Variants in EXOC4 observed in about 807,000 individuals in gnomAD.
The protein encoded by EXOC4 is exocyst complex component 4, also known as SEC8-like 1.
A neutral mutation model predicts 107.2 loss-of-function variants in EXOC4; 71 were observed. The ratio of observed to expected loss-of-function variants is 0.66; its 90% CI spans 0.55 to 0.81. The LOEUF (loss-of-function observed/expected upper bound fraction) is 0.81. Ranked by LOEUF, EXOC4 falls within the 30% of genes least tolerant of loss-of-function variation. The pLI, the probability that EXOC4 is intolerant of heterozygous loss-of-function variation, is 0.00. For synonymous variants in EXOC4, 456 were observed against 441.2 expected, an observed-to-expected ratio of 1.03 and a Z score of -0.42; for missense variants, 1,108 against 1,189.6, an observed-to-expected ratio of 0.93 and a Z score of 1.01.
At chr7:133,490,992 C>G (rs778125856) in intron 9 of EXOC4, among the ~76,000 whole-genome samples, 1 of 152,128 alleles carries the variant, frequency 6.6e-6, no homozygotes, top group Non-Finnish European at 1.5e-5. Flanking sequence ...TTCTAAAGTA[C>G]CTTGCGTTAA....
intron 7 of EXOC4, among the ~76,000 whole-genome samples, chr7:133,415,269 T>A (rs1021771812): frequency 1.1e-4 from 16 of 152,216 alleles, no homozygotes; most frequent in Non-Finnish European, 1.9e-4. Flanking sequence ...AGACATGTGT[T>A]TTCATTTCTC....
chr7:133,259,520 C>G (rs1298624604), intron 1 of EXOC4, among the ~76,000 whole-genome samples: 1 of 151,954 alleles, frequency 6.6e-6, no homozygotes, highest in African/African-American at 2.4e-5. Flanking sequence ...AGCCACCGTC[C>G]CCGGCCCACT....
intron 14 of EXOC4, among the ~76,000 whole-genome samples, chr7:133,974,626 G>A (rs575342404): frequency 1.3e-5 from 2 of 152,300 alleles, no homozygotes; most frequent in East Asian, 3.9e-4. Context: ...TTCGTGCCCT[G>A]TATTTGTCCC....
At chr7:133,408,963 C>T (rs1368483362) in intron 7 of EXOC4, among the ~76,000 whole-genome samples, 1 of 152,076 alleles carries the variant, frequency 6.6e-6, no homozygotes, top group Admixed American at 6.6e-5. Context: ...CATAGGTAGC[C>T]TGTGTTAGGA....
chr7:134,019,772 T>G (rs2116415999), intron 17 of EXOC4, among the ~76,000 whole-genome samples: 1 of 152,342 alleles, frequency 6.6e-6, no homozygotes, highest in South Asian at 2.1e-4. Flanking sequence ...TATGATTTTA[T>G]TTTTCAGTTA....
intron 5 of EXOC4, among the ~76,000 whole-genome samples, chr7:133,339,452 G>A (rs536886167): frequency 6.6e-5 from 10 of 152,278 alleles, no homozygotes; most frequent in African/African-American, 2.4e-4. Context: ...AATGCCTCCA[G>A]ATTTGTTCTT....
At chr7:134,078,789 G>C in the EXOC4 span, among the ~76,000 whole-genome samples, 1 of 152,196 alleles carries the variant, frequency 6.6e-6, no homozygotes, top group South Asian at 2.1e-4. Context: ...CAGTTAAAGA[G>C]CAATTCACTC....
At chr7:133,772,526 TAAA>T (rs59601566) in intron 10 of EXOC4, among the ~76,000 whole-genome samples, 132,854 of 150,184 alleles carry the variant, frequency 0.88, 58,881 homozygotes, top group East Asian at 0.97. Context: ...ACTTAAAGTA[TAAA>T]AAAAAAAAAA....
At chr7:133,931,329 T>C (rs978514181) in intron 13 of EXOC4, among the ~76,000 whole-genome samples, 1 of 152,206 alleles carries the variant, frequency 6.6e-6, no homozygotes, top group Admixed American at 6.5e-5. Flanking sequence ...TGTATGTCTG[T>C]ATTCATGTGC....
chr7:133,518,228 C>T (rs1228423097), intron 9 of EXOC4, among the ~76,000 whole-genome samples: 1 of 151,788 alleles, frequency 6.6e-6, no homozygotes, highest in Non-Finnish European at 1.5e-5. Flanking sequence ...ATGGGAGGTC[C>T]TGCAAAGTCA....
At chr7:133,430,238 C>T (rs1345577981) in intron 7 of EXOC4, among the ~76,000 whole-genome samples, 1 of 152,226 alleles carries the variant, frequency 6.6e-6, no homozygotes, top group Non-Finnish European at 1.5e-5. Context: ...GTTGCTTCTT[C>T]TCTTTTCTCC....
At chr7:133,614,320 C>G (rs1802139424) in intron 9 of EXOC4, among the ~76,000 whole-genome samples, 1 of 152,006 alleles carries the variant, frequency 6.6e-6, no homozygotes, top group Admixed American at 6.5e-5. Flanking sequence ...AGTTGCCAGT[C>G]TTTTGTTTGT....
intron 14 of EXOC4, among the ~76,000 whole-genome samples, chr7:133,958,268 C>CTT (rs5887652): frequency 7.3e-5 from 11 of 150,162 alleles, no homozygotes; most frequent in South Asian, 2.1e-4. Flanking sequence ...ATTTCTTTTC[C>CTT]TTTTTTTTTC....
intron 5 of EXOC4, among the ~76,000 whole-genome samples, chr7:133,346,283 A>G (rs1473761542): frequency 6.6e-6 from 1 of 152,046 alleles, no homozygotes; most frequent in African/African-American, 2.4e-5. Context: ...TGTGGAGCGC[A>G]TTAAGTCTTT....
intron 9 of EXOC4, among the ~76,000 whole-genome samples, chr7:133,608,374 C>T (rs1801997211): frequency 6.6e-6 from 1 of 151,752 alleles, no homozygotes. Context: ...TTATGATCAT[C>T]AACTACTGAA....
At chr7:133,770,864 G>A (rs1164512784) in intron 10 of EXOC4, among the ~76,000 whole-genome samples, 1 of 151,792 alleles carries the variant, frequency 6.6e-6, no homozygotes, top group African/African-American at 2.4e-5. Flanking sequence ...AGCTCTCCTG[G>A]CATTGTTGCA....
At chr7:134,061,081 C>T (rs1222407336) in intron 17 of EXOC4, among the ~76,000 whole-genome samples, 1 of 152,156 alleles carries the variant, frequency 6.6e-6, no homozygotes, top group Non-Finnish European at 1.5e-5. Context: ...ACTCATCACA[C>T]TGTGGAAGAT....
chr7:133,572,886 A>T (rs1262181582), intron 9 of EXOC4, among the ~76,000 whole-genome samples: 1 of 152,220 alleles, frequency 6.6e-6, no homozygotes, highest in Non-Finnish European at 1.5e-5. Flanking sequence ...TCAATTTAAT[A>T]ATCTTAGTTT....
intron 4 of EXOC4, among the ~76,000 whole-genome samples, 135 bp from the exon 5 acceptor site, chr7:133,317,124 AATATACTGGGGAGATCCAGTATAGT>A (rs770081889): frequency 1.6e-4 from 25 of 152,260 alleles, no homozygotes; most frequent in Non-Finnish European, 3.5e-4. Flanking sequence ...CTTTATTGGA[AATATACTGGGGAGATCCAGTATAGT>A]ATATACTGGG....
Sources: allele counts gnomAD v4.1 joint callset (sites outside exome capture counted in the v4.1 genomes callset), GRCh38; gene constraint gnomAD v4.1.1; transcripts MANE v1.5; gene names NCBI Gene and HGNC (gene_info 2026-07-23, HGNC 2026-07-21).